Variants in ZNF445 observed in about 807,000 individuals in gnomAD.
ZNF445 encodes the protein zinc finger protein 168.
Under a neutral mutation model 93.9 loss-of-function variants are expected in ZNF445, and 19 were observed. That is an observed-to-expected ratio of 0.20 (90% confidence interval 0.14 to 0.30). ZNF445 has a LOEUF of 0.30. Among genes scored for constraint, ZNF445 ranks in the 10% least tolerant of loss-of-function variants. The pLI is 1.00. For missense variants in ZNF445, 1,058 were observed against 1,259.4 expected (o/e 0.84, Z 2.42); for synonymous variants, 449 against 446.3 (o/e 1.01, Z -0.08).
At position 44,442,268 on chromosome 3, in the gene ZNF445, C is replaced by T. The variant is rs1441480447; in HGVS notation, c.*4307G>A. On this transcript the variant is annotated 3_prime_UTR_variant, in exon 8 of 8. Transcript: ENST00000396077. ...TCTGCTGATGAAATGCAGGCTTTTC[C>T]CAATCTTGCTACCTAAACAATACTT... The T allele has an allele frequency of 6.6e-6, 1 of 152,164 alleles. No individual in the cohort carries two copies. Among genetic ancestry groups the T allele is most frequent in the East Asian group, 1.9e-4 (1 of 5,198 alleles). The allele number at this position is 152,164 out of a possible 1,614,324, so 9.4% of individuals were successfully genotyped here. A position where few individuals can be genotyped will look rare whatever the true frequency, so the allele number is the denominator to read the frequency against.
intron 1 of ZNF445, among the ~76,000 whole-genome samples, chr3:44,467,797 G>A (rs1160746083): frequency 6.6e-6 from 1 of 152,130 alleles, no homozygotes; most frequent in Non-Finnish European, 1.5e-5. Flanking sequence ...AATAAAAATG[G>A]GGATTGGAGA....
At chr3:44,475,704 AAT>A (rs778603089) in intron 1 of ZNF445, among the ~76,000 whole-genome samples, 1 of 152,194 alleles carries the variant, frequency 6.6e-6, no homozygotes, top group Non-Finnish European at 1.5e-5. Context: ...GCTACATAGT[AAT>A]ATAAAACAAG....
At chr3:44,472,887 C>T (rs1243229791) in intron 1 of ZNF445, among the ~76,000 whole-genome samples, 1 of 152,162 alleles carries the variant, frequency 6.6e-6, no homozygotes, top group Non-Finnish European at 1.5e-5. Context: ...TCAGGACTCT[C>T]CCCCCAGAGC....
chr3:44,466,190 T>A (rs576245445), intron 1 of ZNF445, among the ~76,000 whole-genome samples: 6 of 152,084 alleles, frequency 3.9e-5, no homozygotes, highest in Non-Finnish European at 8.8e-5. Flanking sequence ...TTAAAAAAAA[T>A]TTTTTTTGGA....
intron 1 of ZNF445, among the ~76,000 whole-genome samples, chr3:44,472,555 C>T (rs906140988): frequency 3.3e-5 from 5 of 152,198 alleles, no homozygotes; most frequent in Admixed American, 3.3e-4. Flanking sequence ...ACAGAAAATT[C>T]AGGGCGAATG....
intron 3 of ZNF445, among the ~76,000 whole-genome samples, chr3:44,451,970 C>T (rs1372602706): frequency 1.3e-5 from 2 of 152,204 alleles, no homozygotes; most frequent in Non-Finnish European, 2.9e-5. Flanking sequence ...GGCAGGCTAG[C>T]TCCCAAATTG....
Position 44,447,932 on chromosome 3 carries a change from T to C in ZNF445, c.1739A>G (p.Tyr580Cys), listed in dbSNP as rs749644139. ...CAAATGATGATCAAACCCTGAGCTG[T>C]AGGTGAGAGCTGCCCTATACTGATT... Reference protein sequence around the residue: ...ELNQYRAALTYSSGFDHHLGD... With the variant: ...ELNQYRAALTCSSGFDHHLGD... Residue 580 changes from tyrosine to cysteine, a missense_variant, in exon 8 of 8, where the codon TAC becomes TGC. Around this residue, in one of 3 missense-constraint regions of ZNF445, gnomAD observed 657 missense variants for 746.4 expected, o/e 0.88. Coordinates refer to ENST00000396077, the MANE Select transcript of ZNF445 (RefSeq NM_181489.6). The surrounding 1 kb of genome is among the most constrained non-coding windows in gnomAD (Gnocchi z 4.7). The C allele has an allele frequency of 5.0e-6, 8 of 1,613,766 alleles. No individual in the cohort carries two copies. Among genetic ancestry groups the C allele is most frequent in the Non-Finnish European group, 5.1e-6 (6 of 1,180,030 alleles).
chr3:44,447,108 G>A lies in ZNF445; in HGVS notation c.2563C>T (p.Leu855Phe). ...CGKTFTRKRT[L>F]LDHKGIHSGE... ...CTGTGTATTCCCTTATGATCTAAAA[G>A]GGTTCTTTTACGTGTAAAGGTTTTC... The change falls in exon 8 of 8, where the codon CTT becomes TTT. Residue 855 changes from leucine (L) to phenylalanine (F), a missense_variant. This residue lies in a region of ZNF445 where 387 missense variants were observed against 475.7 expected (regional missense o/e 0.81). Transcript: ENST00000396077. The surrounding 1 kb of genome is among the most constrained non-coding windows in gnomAD (Gnocchi z 4.7). 1.9e-6 allele frequency: 3 copies of A among 1,614,146 alleles called. No homozygotes were observed. Among genetic ancestry groups the A allele is most frequent in the Non-Finnish European group, 2.5e-6 (3 of 1,180,036 alleles).
chr3:44,449,748 A>G, intron 6 of ZNF445, 125 bp from the exon 7 acceptor site: 2 of 710,438 alleles, frequency 2.8e-6, no homozygotes, highest in East Asian at 2.7e-5. Flanking sequence ...AGCAGAAGCT[A>G]GCGAAGGAGG....
rs1697761908 is a variant in ZNF445 at position 44,439,352 on chromosome 3, G to A, written c.*7223C>T. 1.3e-5 allele frequency: 2 copies of A among 151,922 alleles called. No individual in the cohort carries two copies. Among genetic ancestry groups the A allele is most frequent in the Admixed American group, 1.3e-4 (2 of 15,262 alleles). 9.4% of individuals were successfully genotyped at this position (151,922 alleles called of 1,614,324 possible). On this transcript the variant is annotated 3_prime_UTR_variant, in exon 8 of 8. Transcript: ENST00000396077. ...AAAAAGCAAAACGCAAAAAGCAGTG[G>A]TGACCATAGGTCATGAGCAACGTCA...
In ZNF445 at chr3:44,442,165, C is replaced by T. The variant is rs1697820394; in HGVS notation, c.*4410G>A. On this transcript the variant is annotated 3_prime_UTR_variant, in exon 8 of 8. Coordinates refer to ENST00000396077, the MANE Select transcript of ZNF445 (RefSeq NM_181489.6). ...CACCAACTTTCTCAGCATAATTTTT[C>T]ATCTATCTGTGTTGAGACGTAACTC... 6.6e-6 allele frequency: 1 copy of T among 152,206 alleles called. No homozygotes were observed. Among genetic ancestry groups the T allele is most frequent in the Non-Finnish European group, 1.5e-5 (1 of 68,040 alleles). 9.4% of individuals were successfully genotyped at this position (152,206 alleles called of 1,614,324 possible). A position where few individuals can be genotyped will look rare whatever the true frequency, so the allele number is the denominator to read the frequency against.
intron 3 of ZNF445, among the ~76,000 whole-genome samples, chr3:44,454,727 A>T (rs1282435256): frequency 6.6e-6 from 1 of 151,848 alleles, no homozygotes; most frequent in Non-Finnish European, 1.5e-5. Context: ...TGCCTGGCCT[A>T]ATTTTTAAAT....
rs542459626 is a variant in ZNF445, at chr3:44,452,357, TA to T, written c.430-876del. Reference sequence around the variant, plus strand: ...TTTATTCTTCTAATAAAGGAAGAATTAAAAAAAAAAAAAAGAATATGGAAGC... The same window carrying T: ...TTTATTCTTCTAATAAAGGAAGAATTAAAAAAAAAAAAAGAATATGGAAGC... On this transcript the variant is annotated intron_variant, in intron 3 of 7. Transcript: ENST00000396077. 5.7e-3 allele frequency among the ~76,000 whole-genome samples: 783 copies of T among 138,572 alleles called. 5 individuals carry two copies. The highest frequency in any genetic ancestry group is 0.039 in the South Asian group (170 of 4,374). 90.9% of individuals were successfully genotyped at this position (138,572 alleles called of 152,430 possible).
Position 44,438,141 on chromosome 3 carries a change from G to A in ZNF445, c.*8434C>T, listed in dbSNP as rs1013405163. On this transcript the variant is annotated 3_prime_UTR_variant, in exon 8 of 8. Coordinates refer to ENST00000396077, the MANE Select transcript of ZNF445 (RefSeq NM_181489.6). ...ATTTGGAGAGTACTGTATCTCCTCAGTCACATTTTGCACTTCACTTTTTTT... is the reference window on the plus strand; with the variant it reads ...ATTTGGAGAGTACTGTATCTCCTCAATCACATTTTGCACTTCACTTTTTTT... 1 of 150,840 alleles carries A rather than the reference G, an allele frequency of 6.6e-6. No homozygotes were observed. Among genetic ancestry groups the A allele is most frequent in the Non-Finnish European group, 1.5e-5 (1 of 67,826 alleles). 9.3% of individuals were successfully genotyped at this position (150,840 alleles called of 1,614,324 possible).
rs1456224160 is a variant in ZNF445, at chr3:44,449,291, C to CAAGAACTATTA, written c.931+221_931+222insTAATAGTTCTT. On this transcript the variant is annotated intron_variant, in intron 7 of 7. Coordinates refer to ENST00000396077, the MANE Select transcript of ZNF445 (RefSeq NM_181489.6). Reference sequence around the variant, plus strand: ...GCAAGAACTATTATTGAGAGGGCTGCTGTGAGAAGGGGACAGGAGAATAGA... The same window carrying CAAGAACTATTA: ...GCAAGAACTATTATTGAGAGGGCTGCAAGAACTATTATGTGAGAAGGGGACAGGAGAATAGA... Among the ~76,000 whole-genome samples the CAAGAACTATTA allele has an allele frequency of 5.3e-5, 8 of 152,054 alleles. No homozygotes were observed. In the South Asian group the frequency reaches 1.5e-3, roughly 28 times the overall value.
Position 44,446,298 on chromosome 3 carries a change from T to C in ZNF445, c.*277A>G. The C allele has an allele frequency of 2.3e-6, 1 of 439,290 alleles. No homozygotes were observed. 27.2% of individuals were successfully genotyped at this position (439,290 alleles called of 1,614,324 possible). ...CTCTTCAGAGTTGTGGAAGGAGACC[T>C]GAATAGGGGAGCCGCAGGCTATGGT... On this transcript the variant is annotated 3_prime_UTR_variant, in exon 8 of 8. Coordinates refer to ENST00000396077, the MANE Select transcript of ZNF445 (RefSeq NM_181489.6). This position sits in a 1 kb window ranked among gnomAD's most constrained non-coding sequence, Gnocchi z 4.2.
chr3:44,453,321 G>A (rs1287999317), intron 3 of ZNF445, among the ~76,000 whole-genome samples: 3 of 150,324 alleles, frequency 2.0e-5, no homozygotes, highest in East Asian at 1.9e-4. Context: ...TTTAGACAGC[G>A]TCTTGTTCTG....
At position 44,433,981 on chromosome 3, in the gene ZNF445, G is replaced by A. The variant is rs1198763828; in HGVS notation, c.*12594C>T. ...CTGCTGAGGACTGAGAACTAGAGCT[G>A]AGACTCCCAGGCAGCCCCTTTGGAA... is the stretch of plus-strand genomic sequence containing the variant. On this transcript the variant is annotated 3_prime_UTR_variant, in exon 8 of 8. Coordinates refer to ENST00000396077, the MANE Select transcript of ZNF445 (RefSeq NM_181489.6). 1 of 152,214 alleles carries A rather than the reference G, an allele frequency of 6.6e-6. No individual in the cohort carries two copies. Among genetic ancestry groups the A allele is most frequent in the East Asian group, 1.9e-4 (1 of 5,196 alleles). The allele number at this position is 152,214 out of a possible 1,614,324, so 9.4% of individuals were successfully genotyped here.
chr3:44,432,641 T>C lies in ZNF445; in HGVS notation c.*13934A>G, dbSNP rs567309799. On this transcript the variant is annotated 3_prime_UTR_variant, in exon 8 of 8. Coordinates refer to ENST00000396077, the MANE Select transcript of ZNF445 (RefSeq NM_181489.6). ...ATCTGCTTTCCTCAAAGTCCACAAATTTAAACGTTAATCTCATCCAAAGCA... is the reference window on the plus strand; with the variant it reads ...ATCTGCTTTCCTCAAAGTCCACAAACTTAAACGTTAATCTCATCCAAAGCA... The C allele has an allele frequency of 6.6e-6, 1 of 152,184 alleles. No homozygotes were observed. Among genetic ancestry groups the C allele is most frequent in the Non-Finnish European group, 1.5e-5 (1 of 68,076 alleles). 9.4% of individuals were successfully genotyped at this position (152,184 alleles called of 1,614,324 possible).
Sources: allele counts gnomAD v4.1 joint callset (sites outside exome capture counted in the v4.1 genomes callset), GRCh38; gene constraint gnomAD v4.1.1; regional missense constraint gnomAD v4.1.1; non-coding constraint Gnocchi (gnomAD v3.1); transcripts MANE v1.5; gene names NCBI Gene and HGNC (gene_info 2026-07-23, HGNC 2026-07-21).